The following MSI2 variants were observed in gnomAD, a reference collection of about 807,000 sequenced individuals.
The protein encoded by MSI2 is RNA-binding protein Musashi homolog 2.
MSI2 carries 17 observed loss-of-function variants against 45.6 expected under a neutral mutation model. That is an observed-to-expected ratio of 0.37 (90% CI 0.26 to 0.56). MSI2 has a LOEUF of 0.56. Ranked by LOEUF, MSI2 falls within the 20% of genes least tolerant of loss-of-function variation. The pLI is 0.77. For missense variants in MSI2, 293 were observed against 444.2 expected, an observed-to-expected ratio of 0.66 and a Z score of 3.06; for synonymous variants, 156 against 158.2, an observed-to-expected ratio of 0.99 and a Z score of 0.11.
At chr17:57,597,305 A>G (rs1905334970) in intron 8 of MSI2, among the ~76,000 whole-genome samples, 1 of 152,002 alleles carries the variant, frequency 6.6e-6, no homozygotes, top group African/African-American at 2.4e-5. Context: ...ATTTTCACAG[A>G]TCACAAAATA....
chr17:57,448,026 G>A (rs1415281364), intron 6 of MSI2, among the ~76,000 whole-genome samples: 1 of 152,200 alleles, frequency 6.6e-6, no homozygotes, highest in Non-Finnish European at 1.5e-5. Flanking sequence ...TTAGGTTTGA[G>A]CTGAAGGAGT....
chr17:57,675,914 C>A (rs2144754124), intron 12 of MSI2, among the ~76,000 whole-genome samples: 1 of 152,318 alleles, frequency 6.6e-6, no homozygotes, highest in South Asian at 2.1e-4. Context: ...CTTCTCCCTC[C>A]CGGTGTGTGT....
intron 6 of MSI2, among the ~76,000 whole-genome samples, chr17:57,524,209 A>G (rs2086652385): frequency 6.6e-6 from 1 of 152,234 alleles, no homozygotes; most frequent in Admixed American, 6.5e-5. Flanking sequence ...TCTTAAGGCT[A>G]GGCCCAAAAC....
intron 6 of MSI2, among the ~76,000 whole-genome samples, chr17:57,401,760 G>A (rs9892457): frequency 0.15 from 22,820 of 152,108 alleles, 2,087 homozygotes; most frequent in African/African-American, 0.24. Context: ...TGGTGGTGAC[G>A]GCAGCTGGGG....
At position 57,293,677 on chromosome 17, in the gene MSI2, C is replaced by T. The variant is rs1910675277; in HGVS notation, c.312+31485C>T. 3.4e-5 allele frequency among the ~76,000 whole-genome samples: 5 copies of T among 147,852 alleles called. No homozygotes were observed. In the South Asian group the frequency reaches 6.4e-4, roughly 19 times the overall value. On this transcript the variant is annotated intron_variant, in intron 5 of 13. Transcript: ENST00000284073. ...AGGCTGGAGTGCAATGGCGCAATCT[C>T]GGCTCACTGCAACCTCCGCCTCCTG...
chr17:57,651,975 G>A, intron 10 of MSI2, 124 bp from the exon 11 acceptor site: 1 of 871,742 alleles, frequency 1.1e-6, no homozygotes, highest in Non-Finnish European at 1.9e-6. Context: ...GCTGCCCTGT[G>A]AAAATCCCTT....
intron 6 of MSI2, among the ~76,000 whole-genome samples, chr17:57,420,560 C>T (rs971511896): frequency 3.9e-5 from 6 of 152,168 alleles, no homozygotes; most frequent in African/African-American, 1.2e-4. Context: ...CGCAGAGCTC[C>T]GTACTTTCCC....
chr17:57,424,191 G>A (rs1227086736), intron 6 of MSI2, among the ~76,000 whole-genome samples: 1 of 152,172 alleles, frequency 6.6e-6, no homozygotes, highest in Non-Finnish European at 1.5e-5. Flanking sequence ...GCTGTCTTCT[G>A]TTAAGCTCTT....
At chr17:57,427,741 A>G (rs990235702) in intron 6 of MSI2, among the ~76,000 whole-genome samples, 3 of 152,186 alleles carry the variant, frequency 2.0e-5, no homozygotes, top group Admixed American at 1.3e-4. Context: ...TATTCCTGAC[A>G]AATTTGATTT....
At chr17:57,315,698 C>T (rs781698308) in intron 5 of MSI2, among the ~76,000 whole-genome samples, 11 of 152,072 alleles carry the variant, frequency 7.2e-5, no homozygotes, top group Non-Finnish European at 1.5e-4. Flanking sequence ...AGCATTTATC[C>T]CAGTTTAGCG....
intron 7 of MSI2, among the ~76,000 whole-genome samples, chr17:57,542,777 T>C (rs574154188): frequency 6.6e-6 from 1 of 152,338 alleles, no homozygotes; most frequent in East Asian, 1.9e-4. Flanking sequence ...GTCTGGGCAG[T>C]CTGGCACGTG....
chr17:57,540,385 A>C lies in MSI2; in HGVS notation c.454+10661A>C, dbSNP rs531010123. Among the ~76,000 whole-genome samples the C allele has an allele frequency of 3.9e-5, 6 of 152,300 alleles. No homozygotes were observed. The South Asian group carries it at 1.2e-3, about 32-fold the overall frequency. ...AGATGGCTGCTGGCAGATGCTGTCA[A>C]GTTTTCCACCTTGAAGGGTGTTGTG... On this transcript the variant is annotated intron_variant, in intron 7 of 13. Coordinates refer to ENST00000284073, the MANE Select transcript of MSI2 (RefSeq NM_138962.4).
intron 6 of MSI2, among the ~76,000 whole-genome samples, chr17:57,478,937 G>A (rs1267238577): frequency 1.3e-5 from 2 of 152,170 alleles, no homozygotes; most frequent in Non-Finnish European, 2.9e-5. Context: ...CAGTGAGTGT[G>A]TGCTGTGTGC....
intron 6 of MSI2, among the ~76,000 whole-genome samples, chr17:57,485,002 T>G (rs558534922): frequency 6.6e-6 from 1 of 152,194 alleles, no homozygotes; most frequent in Non-Finnish European, 1.5e-5. Context: ...GGAGGCTGAG[T>G]CTTTGTCTGA....
intron 5 of MSI2, among the ~76,000 whole-genome samples, chr17:57,305,362 G>C (rs966422971): frequency 6.6e-6 from 1 of 152,220 alleles, no homozygotes; most frequent in East Asian, 1.9e-4. Flanking sequence ...TGTTCTCTGG[G>C]GCCCTTTTTC....
intron 5 of MSI2, among the ~76,000 whole-genome samples, chr17:57,290,787 C>T (rs1278699351): frequency 6.6e-6 from 1 of 152,174 alleles, no homozygotes; most frequent in African/African-American, 2.4e-5. Context: ...GGTGATATTG[C>T]AGGGAGCCCG....
At chr17:57,557,026 G>C (rs1335308046) in intron 7 of MSI2, among the ~76,000 whole-genome samples, 4 of 152,182 alleles carry the variant, frequency 2.6e-5, no homozygotes, top group African/African-American at 9.7e-5. Context: ...GAAGGGACTT[G>C]TCCAAGATGG....
intron 5 of MSI2, among the ~76,000 whole-genome samples, chr17:57,341,467 C>T (rs897684636): frequency 2.6e-5 from 4 of 152,186 alleles, no homozygotes; most frequent in South Asian, 2.1e-4. Flanking sequence ...CTCACACTGC[C>T]GCCTGGCTGG....
intron 5 of MSI2, among the ~76,000 whole-genome samples, chr17:57,359,787 T>C (rs1053537168): frequency 1.3e-5 from 2 of 152,216 alleles, no homozygotes; most frequent in Non-Finnish European, 2.9e-5. Context: ...TGGCTTACTC[T>C]GCTTTCTTTT....
Sources: allele counts gnomAD v4.1 joint callset (sites outside exome capture counted in the v4.1 genomes callset), GRCh38; gene constraint gnomAD v4.1.1; transcripts MANE v1.5; gene names NCBI Gene and HGNC (gene_info 2026-07-23, HGNC 2026-07-21).